INPP4A: variants seen among roughly 807,000 people sequenced by gnomAD.
INPP4A encodes inositol polyphosphate-4-phosphatase type I A, also known as inositol polyphosphate-4-phosphatase, type I, 107kD.
Under a neutral mutation model 119.8 loss-of-function variants are expected in INPP4A, and 33 were observed. The ratio of observed to expected loss-of-function variants is 0.28; its 90% CI spans 0.21 to 0.37. The LOEUF (loss-of-function observed/expected upper bound fraction) is 0.37. Among genes scored for constraint, INPP4A ranks in the 10% least tolerant of loss-of-function variants. The pLI is 1.00. For missense variants in INPP4A, 956 were observed against 1,289.9 expected, an observed-to-expected ratio of 0.74 and a Z score of 3.97; for synonymous variants, 496 against 500.7, an observed-to-expected ratio of 0.99 and a Z score of 0.12.
At position 98,546,680 on chromosome 2, in the gene INPP4A, A is replaced by G. The variant is rs778047688; in HGVS notation, c.1149A>G (p.Glu383=). 4 of 1,607,464 alleles carry G rather than the reference A, an allele frequency of 2.5e-6. No homozygotes were observed. Among genetic ancestry groups the G allele is most frequent in the Non-Finnish European group, 3.4e-6 (4 of 1,174,044 alleles). Residue 383 remains glutamate (E), a synonymous_variant, in exon 13 of 25, where the codon GAA becomes GAG. Coordinates refer to ENST00000409851, the MANE Select transcript of INPP4A (RefSeq NM_001134225.2). This position sits in a 1 kb window ranked among gnomAD's most constrained non-coding sequence, Gnocchi z 4.2. ...GGLRKKLHKF[E]ETKKHTSSGC... ...TCCGCAAAAAGCTGCACAAATTTGA[A>G]GAGACCAAGAAACAGTAAGTAGCCA... is the stretch of plus-strand genomic sequence containing the variant.
At chr2:98,575,156 T>G (rs1230440858) in intron 23 of INPP4A, among the ~76,000 whole-genome samples, 4 of 152,252 alleles carry the variant, frequency 2.6e-5, no homozygotes, top group African/African-American at 9.6e-5. Flanking sequence ...CCTGGCTGAA[T>G]AGCTGGAATA....
chr2:98,504,697 T>C lies in INPP4A; in HGVS notation c.-165-14267T>C, dbSNP rs569522654. Among the ~76,000 whole-genome samples, 33 of 152,360 alleles carry C rather than the reference T, an allele frequency of 2.2e-4. No homozygotes were observed. In the East Asian group the frequency reaches 6.0e-3, roughly 28 times the overall value. ...GCTACTCAGAAAATTTTTTATTTTCTCGTGAAGCCAATTTTGACACTTGCG... is the reference window on the plus strand; with the variant it reads ...GCTACTCAGAAAATTTTTTATTTTCCCGTGAAGCCAATTTTGACACTTGCG... On this transcript the variant is annotated intron_variant, in intron 1 of 24. Coordinates refer to ENST00000409851, the MANE Select transcript of INPP4A (RefSeq NM_001134225.2).
chr2:98,576,924 G>T (rs1698515366), intron 23 of INPP4A, 65 bp from the exon 24 acceptor site: 2 of 1,558,540 alleles, frequency 1.3e-6, no homozygotes, highest in Admixed American at 3.5e-5. Context: ...CCTTTCCTGT[G>T]TGTGAAGGGT....
intron 4 of INPP4A, among the ~76,000 whole-genome samples, chr2:98,524,372 C>T (rs868387287): frequency 2.0e-5 from 3 of 152,172 alleles, no homozygotes; most frequent in Non-Finnish European, 1.5e-5. Flanking sequence ...AGTGAGCCTG[C>T]AGGCTGCTCA....
At chr2:98,484,926 C>G (rs185377632) in intron 1 of INPP4A, among the ~76,000 whole-genome samples, 59 of 152,156 alleles carry the variant, frequency 3.9e-4, no homozygotes, top group Middle Eastern at 3.4e-3. Context: ...GGTATAAAAT[C>G]CTTTATAGTA....
chr2:98,568,418 G>A (rs1474398656), intron 21 of INPP4A, among the ~76,000 whole-genome samples, 153 bp from the exon 22 acceptor site: 1 of 152,182 alleles, frequency 6.6e-6, no homozygotes, highest in Non-Finnish European at 1.5e-5. Context: ...CTGTAGAAAT[G>A]CCTTTATGCT....
At chr2:98,447,843 C>T (rs1190269666) in intron 1 of INPP4A, among the ~76,000 whole-genome samples, 2 of 152,062 alleles carry the variant, frequency 1.3e-5, no homozygotes, top group African/African-American at 4.8e-5. Context: ...ATCAGGAGAT[C>T]GAGACCATCC....
rs777151759 is a variant in INPP4A at position 98,592,903 on chromosome 2, C to T, written c.*5295C>T. The T allele has an allele frequency of 2.0e-5, 3 of 152,398 alleles. No homozygotes were observed. Among genetic ancestry groups the T allele is most frequent in the Non-Finnish European group, 4.4e-5 (3 of 68,186 alleles). The allele number at this position is 152,398 out of a possible 1,614,324, so 9.4% of individuals were successfully genotyped here. A position where few individuals can be genotyped will look rare whatever the true frequency, so the allele number is the denominator to read the frequency against. On this transcript the variant is annotated 3_prime_UTR_variant, in exon 25 of 25. Coordinates refer to ENST00000409851, the MANE Select transcript of INPP4A (RefSeq NM_001134225.2). ...CCGTGCTCTGCAGTGTAGTGGGATC[C>T]TGTGAGCTGGCCTGCACAGGCACTC...
At chr2:98,453,027 T>A (rs1306202878) in intron 1 of INPP4A, among the ~76,000 whole-genome samples, 1 of 152,220 alleles carries the variant, frequency 6.6e-6, no homozygotes, top group Non-Finnish European at 1.5e-5. Context: ...GTGGTGATTT[T>A]TACCTGTGTT....
chr2:98,470,250 G>A (rs141102723), intron 1 of INPP4A, among the ~76,000 whole-genome samples: 23 of 152,350 alleles, frequency 1.5e-4, no homozygotes, highest in African/African-American at 5.3e-4. Flanking sequence ...CTGGGGAGCG[G>A]CCCCTGGATT....
intron 1 of INPP4A, among the ~76,000 whole-genome samples, chr2:98,491,434 G>T (rs146850924): frequency 6.6e-6 from 1 of 152,156 alleles, no homozygotes; most frequent in Middle Eastern, 3.2e-3. Context: ...TCATGCTCTC[G>T]TCTGGATGAT....
At position 98,552,913 on chromosome 2, in the gene INPP4A, G is replaced by A. The variant is rs1023782696; in HGVS notation, c.1291G>A (p.Ala431Thr). 3 of 1,613,654 alleles carry A rather than the reference G, an allele frequency of 1.9e-6. No individual in the cohort carries two copies. The highest frequency in any genetic ancestry group is 1.7e-6 in the Non-Finnish European group (2 of 1,179,740). ...SYYAERLSRA[A>T]KDRSATGLER... ...CTACGCAGAGCGGCTGTCAAGGGCA[G>A]CCAAGGACAGGTCTGCCACTGGCCT... is the stretch of plus-strand genomic sequence containing the variant. The change falls in exon 14 of 25, where the codon GCC becomes ACC. Residue 431 changes from alanine to threonine, a missense_variant. Transcript: ENST00000409851.
chr2:98,471,190 ATG>A (rs1448005406), intron 1 of INPP4A, among the ~76,000 whole-genome samples: 2 of 152,132 alleles, frequency 1.3e-5, no homozygotes, highest in South Asian at 4.1e-4. Context: ...GCGTGCATGC[ATG>A]TGTGTGTCTG....
At chr2:98,491,885 G>A (rs560522239) in intron 1 of INPP4A, among the ~76,000 whole-genome samples, 2 of 146,224 alleles carry the variant, frequency 1.4e-5, no homozygotes, top group African/African-American at 2.5e-5. Context: ...AATATCATAT[G>A]TCACAAGTGC....
intron 14 of INPP4A, among the ~76,000 whole-genome samples, chr2:98,553,414 A>C (rs1045537610): frequency 6.6e-6 from 1 of 152,202 alleles, no homozygotes; most frequent in African/African-American, 2.4e-5. Flanking sequence ...ACCAGCTTCT[A>C]CTTAGCCATA....
chr2:98,451,950 A>G (rs1220221995), intron 1 of INPP4A, among the ~76,000 whole-genome samples: 1 of 152,168 alleles, frequency 6.6e-6, no homozygotes, highest in African/African-American at 2.4e-5. Flanking sequence ...GACATTTATT[A>G]TCTCAGAGAA....
At chr2:98,478,584 T>C (rs757051571) in intron 1 of INPP4A, among the ~76,000 whole-genome samples, 11 of 152,222 alleles carry the variant, frequency 7.2e-5, no homozygotes, top group African/African-American at 1.2e-4. Context: ...CCCCCGACTT[T>C]CTTTGCAACA....
chr2:98,586,479 A>G (rs927973206), intron 24 of INPP4A, among the ~76,000 whole-genome samples: 4 of 152,176 alleles, frequency 2.6e-5, no homozygotes, highest in Non-Finnish European at 1.5e-5. Flanking sequence ...TTTCACTGCT[A>G]GTCTTAGAAC....
At chr2:98,548,510 G>T (rs996533558) in intron 13 of INPP4A, among the ~76,000 whole-genome samples, 1 of 152,184 alleles carries the variant, frequency 6.6e-6, no homozygotes, top group Admixed American at 6.5e-5. Context: ...AGTAACTCTG[G>T]CCAGTCAAGA....
Sources: allele counts gnomAD v4.1 joint callset (sites outside exome capture counted in the v4.1 genomes callset), GRCh38; gene constraint gnomAD v4.1.1; non-coding constraint Gnocchi (gnomAD v3.1); transcripts MANE v1.5; gene names NCBI Gene and HGNC (gene_info 2026-07-23, HGNC 2026-07-21).